SAMM50: variants seen among roughly 807,000 people sequenced by gnomAD.
SAMM50 encodes sorting and assembly machinery component 50 homolog.
In SAMM50, 47 loss-of-function variants were observed where a neutral mutation model predicts 66.9. The observed-to-expected ratio is 0.70, with a 90% CI of 0.56 to 0.90. The LOEUF (loss-of-function observed/expected upper bound fraction) is 0.90. Among genes scored for constraint, SAMM50 ranks in the 40% least tolerant of loss-of-function variants. SAMM50 has a pLI of 0.00. For synonymous variants in SAMM50, 191 were observed against 214.1 expected, an observed-to-expected ratio of 0.89 and a Z score of 0.94; for missense variants, 535 against 595.3, an observed-to-expected ratio of 0.90 and a Z score of 1.05.
At chr22:43,990,638 A>G (rs978642300) in intron 14 of SAMM50, among the ~76,000 whole-genome samples, 3 of 151,662 alleles carry the variant, frequency 2.0e-5, no homozygotes, top group Non-Finnish European at 2.9e-5. Context: ...CTTTGTGCTT[A>G]TTGTTCCCAG....
chr22:43,977,587 A>C (rs567733583), intron 9 of SAMM50, among the ~76,000 whole-genome samples: 20 of 152,316 alleles, frequency 1.3e-4, no homozygotes, highest in African/African-American at 4.6e-4. Context: ...CAACGAGCCA[A>C]GCCGTCTGTG....
intron 10 of SAMM50, among the ~76,000 whole-genome samples, chr22:43,979,504 C>G (rs937188385): frequency 6.6e-6 from 1 of 152,240 alleles, no homozygotes; most frequent in Non-Finnish European, 1.5e-5. Context: ...CCTTCCTCCT[C>G]TCAGCACTGC....
At position 43,976,130 on chromosome 22, in the gene SAMM50, G is replaced by A. The variant is rs751847892; in HGVS notation, c.724G>A (p.Ala242Thr). ...WRELGCLSRT[A>T]SFAVRKESGH... ...AGAACTGGGCTGCCTCTCAAGGACG[G>A]CGTCATTTGCTGTTCGAAAAGAAAG... is the stretch of plus-strand genomic sequence containing the variant. Residue 242 changes from alanine to threonine, a missense_variant, in exon 8 of 15, where the codon GCG becomes ACG. Transcript: ENST00000350028. The A allele has an allele frequency of 1.9e-6, 3 of 1,610,700 alleles. No homozygotes were observed. Among genetic ancestry groups the A allele is most frequent in the Non-Finnish European group, 2.5e-6 (3 of 1,177,032 alleles).
rs1423802629 is a variant in SAMM50 at position 43,983,692 on chromosome 22, G to A, written c.1008-241G>A. Reference sequence around the variant, plus strand: ...GCCCCTCTCTCCTAGTGTGTTTCTTGGCATCTTGTGTCTCACCTGCATCTC... The same window carrying A: ...GCCCCTCTCTCCTAGTGTGTTTCTTAGCATCTTGTGTCTCACCTGCATCTC... On this transcript the variant is annotated intron_variant, in intron 11 of 14. Coordinates refer to ENST00000350028, the MANE Select transcript of SAMM50 (RefSeq NM_015380.5). This position sits in a 1 kb window ranked among gnomAD's most constrained non-coding sequence, Gnocchi z 4.2. Among the ~76,000 whole-genome samples, 2 of 152,086 alleles carry A rather than the reference G, an allele frequency of 1.3e-5. No homozygotes were observed. Among genetic ancestry groups the A allele is most frequent in the Non-Finnish European group, 2.9e-5 (2 of 68,024 alleles).
chr22:43,989,834 A>G (rs2050313718), intron 13 of SAMM50, among the ~76,000 whole-genome samples: 1 of 152,206 alleles, frequency 6.6e-6, no homozygotes, highest in African/African-American at 2.4e-5. Context: ...CATGATGGCC[A>G]CAGAGCTGAG....
At chr22:43,975,845 C>G (rs5764442) in intron 7 of SAMM50, 307,800 of 552,824 alleles carry the variant, frequency 0.56, 89,329 homozygotes, top group East Asian at 0.85. Context: ...CTTTGATTCC[C>G]TTCACAGCTT....
intron 3 of SAMM50, 62 bp from the exon 4 acceptor site, chr22:43,968,669 C>G (rs2050186940): frequency 8.6e-7 from 1 of 1,166,712 alleles, no homozygotes; most frequent in Admixed American, 1.7e-5. Flanking sequence ...CGTGTGGCTG[C>G]CATTTGCTGT....
intron 7 of SAMM50, 67 bp downstream of exon 7, chr22:43,973,390 C>T (rs888281746): frequency 1.1e-6 from 1 of 944,744 alleles, no homozygotes; most frequent in Non-Finnish European, 1.7e-6. Context: ...CACTGATTCC[C>T]AAAGGCAGCA....
chr22:43,987,847 G>C (rs1356481625), intron 12 of SAMM50: 2 of 151,792 alleles, frequency 1.3e-5, no homozygotes, highest in South Asian at 2.1e-4. Flanking sequence ...AGCGTTAGGA[G>C]AAAGTGTTTA....
intron 14 of SAMM50, 157 bp from the exon 15 acceptor site, chr22:43,996,181 C>T: frequency 2.6e-6 from 2 of 774,870 alleles, no homozygotes; most frequent in South Asian, 1.5e-5. Flanking sequence ...AGGAAGCAGC[C>T]GGGGCCGGTG....
chr22:43,978,738 C>T (rs1318471838), intron 10 of SAMM50, among the ~76,000 whole-genome samples: 1 of 152,016 alleles, frequency 6.6e-6, no homozygotes, highest in Non-Finnish European at 1.5e-5. Flanking sequence ...CAGAGGAGCC[C>T]CAGGCTGGGA....
intron 11 of SAMM50, among the ~76,000 whole-genome samples, chr22:43,982,714 C>T (rs991970001): frequency 6.6e-6 from 1 of 152,232 alleles, no homozygotes; most frequent in Non-Finnish European, 1.5e-5. Flanking sequence ...CGACTTACTA[C>T]AACCTCTACC....
chr22:43,988,924 A>G (rs2050308202), intron 12 of SAMM50, 187 bp from the exon 13 acceptor site: 1 of 497,282 alleles, frequency 2.0e-6, no homozygotes, highest in Non-Finnish European at 3.5e-6. Flanking sequence ...ACAAACCAGG[A>G]GAAAAAGAAA....
At chr22:43,958,476 C>CTTTTTTTTT (rs3083316) in intron 1 of SAMM50, among the ~76,000 whole-genome samples, 4 of 112,566 alleles carry the variant, frequency 3.6e-5, no homozygotes, top group South Asian at 3.1e-4. Context: ...TTATGGAGCT[C>CTTTTTTTTT]TTTTTTTTTT....
intron 14 of SAMM50, 106 bp from the exon 15 acceptor site, chr22:43,996,232 G>A (rs1325964894): frequency 6.6e-6 from 8 of 1,205,848 alleles, no homozygotes; most frequent in South Asian, 2.4e-5. Context: ...AGCAGGAGGA[G>A]GAGGAAGCGG....
In SAMM50 at chr22:43,996,182, G is replaced by C. The variant is rs1603420870; in HGVS notation, c.1365-156G>C. 4 of 776,678 alleles carry C rather than the reference G, an allele frequency of 5.2e-6. No individual in the cohort carries two copies. The East Asian group carries it at 9.7e-5, about 19-fold the overall frequency. 48.1% of individuals were successfully genotyped at this position (776,678 alleles called of 1,614,324 possible). ...TTAACCAGCAAAGGAGGAAGCAGCC[G>C]GGGCCGGTGAGGGTGAGGCCGGCAG... On this transcript the variant is annotated intron_variant, in intron 14 of 14. Transcript: ENST00000350028.
intron 3 of SAMM50, 42 bp from the exon 4 acceptor site, chr22:43,968,689 G>T (rs766261117): frequency 7.2e-7 from 1 of 1,380,532 alleles, no homozygotes; most frequent in East Asian, 2.3e-5. Flanking sequence ...TTTCTGTATC[G>T]TAGAAGAATA....
At chr22:43,956,341 A>G (rs900052215) in intron 1 of SAMM50, among the ~76,000 whole-genome samples, 2 of 152,226 alleles carry the variant, frequency 1.3e-5, no homozygotes, top group African/African-American at 4.8e-5. Context: ...TTCTACTGCA[A>G]CTTTGATTGC....
chr22:43,982,447 G>A lies in SAMM50; in HGVS notation c.1007+986G>A, dbSNP rs75668928. ...AAGTTAACATTTTGCACATGAATAT[G>A]TTTAGTGGATCCCTTTCCAGCGTGC... On this transcript the variant is annotated intron_variant, in intron 11 of 14. Transcript: ENST00000350028. Among the ~76,000 whole-genome samples, 593 of 152,312 alleles carry A rather than the reference G, an allele frequency of 3.9e-3. 14 individuals are homozygous for A. The highest frequency in any genetic ancestry group is 0.026 in the Admixed American group (400 of 15,298).
Sources: allele counts gnomAD v4.1 joint callset (sites outside exome capture counted in the v4.1 genomes callset), GRCh38; gene constraint gnomAD v4.1.1; non-coding constraint Gnocchi (gnomAD v3.1); transcripts MANE v1.5; gene names NCBI Gene and HGNC (gene_info 2026-07-23, HGNC 2026-07-21).